GABRB3: variants seen among roughly 807,000 people sequenced by gnomAD.
The protein encoded by GABRB3 is gamma-aminobutyric acid type A receptor subunit beta3, also known as gamma-aminobutyric acid receptor subunit beta-3.
Under a neutral mutation model 52.1 loss-of-function variants are expected in GABRB3, and 14 were observed. The observed-to-expected ratio is 0.27, with a 90% confidence interval of 0.18 to 0.42. The LOEUF (loss-of-function observed/expected upper bound fraction) is 0.42. GABRB3 is among the 10% of genes least tolerant of loss of function. GABRB3 has a pLI of 1.00. For missense variants in GABRB3, 307 were observed against 609.1 expected, an observed-to-expected ratio of 0.50 and a Z score of 5.22; for synonymous variants, 260 against 232.3, an observed-to-expected ratio of 1.12 and a Z score of -1.08.
intron 4 of GABRB3, among the ~76,000 whole-genome samples, chr15:26,601,123 A>C (rs1342754874): frequency 1.3e-5 from 2 of 152,114 alleles, no homozygotes; most frequent in Admixed American, 1.3e-4. Context: ...GAAGCTCAAA[A>C]TAAAAATAGA....
At chr15:26,762,002 T>G (rs1890836562) in intron 3 of GABRB3, among the ~76,000 whole-genome samples, 1 of 152,074 alleles carries the variant, frequency 6.6e-6, no homozygotes, top group Admixed American at 6.6e-5. Flanking sequence ...CCGGCTAATT[T>G]TTGTATTTTT....
At chr15:26,667,979 T>C (rs1887767142) in intron 3 of GABRB3, among the ~76,000 whole-genome samples, 1 of 152,140 alleles carries the variant, frequency 6.6e-6, no homozygotes, top group Non-Finnish European at 1.5e-5. Flanking sequence ...AAAACGAGGT[T>C]TGAGGAAGAT....
At chr15:26,604,460 G>A (rs994907536) in intron 4 of GABRB3, among the ~76,000 whole-genome samples, 3 of 152,102 alleles carry the variant, frequency 2.0e-5, no homozygotes, top group South Asian at 2.1e-4. Context: ...AATAGCCCAC[G>A]CTATCCTAAG....
intron 3 of GABRB3, among the ~76,000 whole-genome samples, chr15:26,762,124 AC>A (rs1890838891): frequency 6.6e-6 from 1 of 152,158 alleles, no homozygotes; most frequent in South Asian, 2.1e-4. Context: ...AAAACCCCAC[AC>A]CCAGCCCTCT....
intron 8 of GABRB3, among the ~76,000 whole-genome samples, chr15:26,554,160 A>AGTGT (rs1555400839): frequency 4.8e-5 from 1 of 20,810 alleles, no homozygotes; most frequent in African/African-American, 1.7e-4. Context: ...ATATATATAA[A>AGTGT]GTATATATAT....
At chr15:26,665,646 G>A (rs1029917464) in intron 3 of GABRB3, among the ~76,000 whole-genome samples, 6 of 152,156 alleles carry the variant, frequency 3.9e-5, no homozygotes, top group Non-Finnish European at 5.9e-5. Context: ...AAATGCTCAT[G>A]TGGGCACTCA....
intron 4 of GABRB3, among the ~76,000 whole-genome samples, chr15:26,589,794 C>T (rs148399909): frequency 1.1e-4 from 17 of 152,320 alleles, no homozygotes; most frequent in African/African-American, 3.6e-4. Flanking sequence ...ACCCCAACCA[C>T]ACACGCAGAG....
chr15:26,761,696 T>C (rs1349648768), intron 3 of GABRB3, among the ~76,000 whole-genome samples: 1 of 152,066 alleles, frequency 6.6e-6, no homozygotes, highest in Non-Finnish European at 1.5e-5. Context: ...CCAGGAGGAA[T>C]CTCCAGGTAT....
chr15:26,600,989 G>A (rs1891564430), intron 4 of GABRB3, among the ~76,000 whole-genome samples: 2 of 152,110 alleles, frequency 1.3e-5, no homozygotes, highest in Non-Finnish European at 2.9e-5. Context: ...TGTGTGTGGG[G>A]GGGAGTAAAA....
At chr15:26,674,219 C>T (rs1418277556) in intron 3 of GABRB3, among the ~76,000 whole-genome samples, 2 of 151,358 alleles carry the variant, frequency 1.3e-5, no homozygotes, top group South Asian at 2.1e-4. Flanking sequence ...CTGGCCCACA[C>T]GGTAAAACAC....
At chr15:26,721,330 T>C (rs575932110) in intron 3 of GABRB3, among the ~76,000 whole-genome samples, 1 of 152,124 alleles carries the variant, frequency 6.6e-6, no homozygotes, top group East Asian at 1.9e-4. Context: ...GAAGGAAATC[T>C]CCATTTGTAA....
chr15:26,760,805 G>GCACACA (rs1555383013), intron 3 of GABRB3, among the ~76,000 whole-genome samples: 1 of 17,630 alleles, frequency 5.7e-5, no homozygotes, highest in Non-Finnish European at 1.1e-4. Flanking sequence ...ACACACACGC[G>GCACACA]CACGCACACA....
chr15:26,695,434 A>G (rs1427483950), intron 3 of GABRB3, among the ~76,000 whole-genome samples: 1 of 152,054 alleles, frequency 6.6e-6, no homozygotes, highest in Admixed American at 6.6e-5. Flanking sequence ...GAAAACATAG[A>G]GTAACATAGT....
At chr15:26,745,797 T>C (rs1890322125) in intron 3 of GABRB3, among the ~76,000 whole-genome samples, 1 of 152,242 alleles carries the variant, frequency 6.6e-6, no homozygotes, top group Non-Finnish European at 1.5e-5. Context: ...AATAGTTTCT[T>C]TCTGTTGCTG....
At chr15:26,643,376 T>C (rs889170242) in intron 3 of GABRB3, among the ~76,000 whole-genome samples, 2 of 152,164 alleles carry the variant, frequency 1.3e-5, no homozygotes, top group Admixed American at 6.5e-5. Flanking sequence ...GCACAGCCCA[T>C]TTTGAGCACA....
chr15:26,763,523 G>A (rs947701810), intron 3 of GABRB3, among the ~76,000 whole-genome samples: 3 of 151,460 alleles, frequency 2.0e-5, no homozygotes, highest in Admixed American at 6.6e-5. Flanking sequence ...ATTACAGTCA[G>A]CATAATTGGC....
chr15:26,559,190 T>A (rs967153570), intron 8 of GABRB3, among the ~76,000 whole-genome samples: 1 of 152,226 alleles, frequency 6.6e-6, no homozygotes, highest in African/African-American at 2.4e-5. Flanking sequence ...TTGAGCACCA[T>A]CCCTTTGGTG....
At chr15:26,675,514 T>C (rs896580370) in intron 3 of GABRB3, among the ~76,000 whole-genome samples, 1 of 152,142 alleles carries the variant, frequency 6.6e-6, no homozygotes, top group African/African-American at 2.4e-5. Context: ...CTCATGACAT[T>C]TGTTCAAGAA....
chr15:26,726,575 T>C (rs1196157146), intron 3 of GABRB3, among the ~76,000 whole-genome samples: 1 of 152,206 alleles, frequency 6.6e-6, no homozygotes, highest in Non-Finnish European at 1.5e-5. Context: ...CAAGGTATCC[T>C]ATAGAATGTC....
Sources: allele counts gnomAD v4.1 joint callset (sites outside exome capture counted in the v4.1 genomes callset), GRCh38; gene constraint gnomAD v4.1.1; transcripts MANE v1.5; gene names NCBI Gene and HGNC (gene_info 2026-07-23, HGNC 2026-07-21).